CHST9: variants seen among roughly 807,000 people sequenced by gnomAD.
CHST9 encodes the protein GalNAc-4-sulfotransferase 2.
Under a neutral mutation model 44.4 loss-of-function variants are expected in CHST9, and 41 were observed. The ratio of observed to expected loss-of-function variants is 0.92; its 90% CI spans 0.72 to 1.20. The LOEUF is 1.20. CHST9 is among the 50% of genes most tolerant of loss of function. The probability of loss-of-function intolerance (pLI) is 0.00; values close to 1 mark genes in which losing one functional copy is unlikely to be tolerated. For missense variants in CHST9, 504 were observed against 516.5 expected (o/e 0.98, Z 0.23); for synonymous variants, 171 against 178.4 (o/e 0.96, Z 0.33).
chr18:26,979,717 A>T (rs556014309), intron 4 of CHST9, among the ~76,000 whole-genome samples: 1 of 152,304 alleles, frequency 6.6e-6, no homozygotes, highest in African/African-American at 2.4e-5. Flanking sequence ...CAGAGATCAG[A>T]TCAGTGCTTG....
chr18:27,166,394 A>G (rs1347021177), intron 1 of CHST9, among the ~76,000 whole-genome samples: 1 of 152,164 alleles, frequency 6.6e-6, no homozygotes, highest in Non-Finnish European at 1.5e-5. Flanking sequence ...AACTATTTAA[A>G]TTCTTAAGAA....
At chr18:27,125,919 T>C (rs1245870057) in intron 2 of CHST9, among the ~76,000 whole-genome samples, 2 of 152,138 alleles carry the variant, frequency 1.3e-5, no homozygotes, top group African/African-American at 2.4e-5. Flanking sequence ...AAGGGTAACA[T>C]GGAGAAAATA....
chr18:27,121,566 T>A (rs1426872), intron 2 of CHST9, among the ~76,000 whole-genome samples: 1 of 151,970 alleles, frequency 6.6e-6, no homozygotes, highest in Non-Finnish European at 1.5e-5. Context: ...GGTAAATAAT[T>A]GGGGAAACAG....
intron 3 of CHST9, among the ~76,000 whole-genome samples, chr18:27,047,551 G>A (rs2057518274): frequency 6.6e-6 from 1 of 152,010 alleles, no homozygotes; most frequent in African/African-American, 2.4e-5. Context: ...AGAGACAGAA[G>A]CTTATGCTGT....
chr18:27,021,942 C>T (rs942420175), intron 4 of CHST9, among the ~76,000 whole-genome samples: 5 of 151,924 alleles, frequency 3.3e-5, no homozygotes, highest in African/African-American at 1.2e-4. Flanking sequence ...ACTTTAGCCT[C>T]CTGAGTAGCT....
At position 26,906,785 on chromosome 18, in the gene CHST9, C is replaced by T. The variant is rs1214200463; in HGVS notation, c.*9474G>A. ...TGAGCCAGGCAGAGATGACAAATGC[C>T]TCCCTGAGCTTAGTTTAGGGATTAG... On this transcript the variant is annotated 3_prime_UTR_variant, in exon 6 of 6. Coordinates refer to ENST00000618847, the MANE Select transcript of CHST9 (RefSeq NM_031422.6). 1 of 152,168 alleles carries T rather than the reference C, an allele frequency of 6.6e-6. No homozygotes were observed. The highest frequency in any genetic ancestry group is 1.5e-5 in the Non-Finnish European group (1 of 68,060). 9.4% of individuals were successfully genotyped at this position (152,168 alleles called of 1,614,324 possible).
At chr18:27,057,560 T>C (rs1431461502) in intron 2 of CHST9, among the ~76,000 whole-genome samples, 2 of 152,242 alleles carry the variant, frequency 1.3e-5, no homozygotes, top group Non-Finnish European at 2.9e-5. Context: ...ATTTGCTTAG[T>C]TGATATGTTG....
At chr18:26,924,063 G>T (rs756480890) in intron 5 of CHST9, among the ~76,000 whole-genome samples, 1 of 152,158 alleles carries the variant, frequency 6.6e-6, no homozygotes, top group Non-Finnish European at 1.5e-5. Flanking sequence ...CCATATATAT[G>T]ATGGGGATTT....
At chr18:27,071,611 A>G (rs1431272229) in intron 2 of CHST9, among the ~76,000 whole-genome samples, 1 of 152,226 alleles carries the variant, frequency 6.6e-6, no homozygotes, top group Non-Finnish European at 1.5e-5. Context: ...AGTGGTAAAT[A>G]TTAGACTTTT....
intron 4 of CHST9, among the ~76,000 whole-genome samples, chr18:27,000,951 T>C (rs1332597268): frequency 6.6e-6 from 1 of 152,092 alleles, no homozygotes; most frequent in Non-Finnish European, 1.5e-5. Context: ...CAAACGGAAG[T>C]TCTAATCATT....
chr18:26,945,556 T>G (rs910787597), intron 4 of CHST9, among the ~76,000 whole-genome samples: 1 of 152,222 alleles, frequency 6.6e-6, no homozygotes, highest in Non-Finnish European at 1.5e-5. Flanking sequence ...CTCGGCATAC[T>G]TCTCTGGAGA....
chr18:27,000,144 C>A (rs932702109), intron 4 of CHST9, among the ~76,000 whole-genome samples: 9 of 152,194 alleles, frequency 5.9e-5, no homozygotes, highest in Non-Finnish European at 1.2e-4. Flanking sequence ...TTACCCCATC[C>A]CTGGTAGGAT....
chr18:27,020,793 G>A (rs562789722), intron 4 of CHST9, among the ~76,000 whole-genome samples: 8 of 152,126 alleles, frequency 5.3e-5, no homozygotes, highest in Admixed American at 3.3e-4. Context: ...AATCTCTCTC[G>A]GAGGTAAGTT....
intron 2 of CHST9, among the ~76,000 whole-genome samples, chr18:27,088,006 T>G (rs1384976341): frequency 6.6e-6 from 1 of 152,220 alleles, no homozygotes; most frequent in Non-Finnish European, 1.5e-5. Context: ...CAAACGCTCC[T>G]TTTCAAAGAC....
chr18:26,948,400 A>AT (rs2056196307), intron 4 of CHST9, among the ~76,000 whole-genome samples: 1 of 152,180 alleles, frequency 6.6e-6, no homozygotes, highest in African/African-American at 2.4e-5. Context: ...TTAAAAAAAA[A>AT]ATATCATACA....
At chr18:27,040,083 G>A (rs898411816) in intron 3 of CHST9, among the ~76,000 whole-genome samples, 1 of 152,122 alleles carries the variant, frequency 6.6e-6, no homozygotes, top group Non-Finnish European at 1.5e-5. Flanking sequence ...AGTGTGAAAT[G>A]TATTAGAGAT....
chr18:27,004,130 G>A (rs572831539), intron 4 of CHST9, among the ~76,000 whole-genome samples: 4 of 151,890 alleles, frequency 2.6e-5, no homozygotes, highest in Non-Finnish European at 5.9e-5. Context: ...GAACAGTAAA[G>A]TGGAAGAACA....
At chr18:26,969,147 C>A (rs140126649) in intron 4 of CHST9, among the ~76,000 whole-genome samples, 1 of 151,948 alleles carries the variant, frequency 6.6e-6, no homozygotes. Context: ...TACAGGCGCC[C>A]GCCACCGTGC....
In CHST9 at chr18:26,916,027, AG is replaced by A; in HGVS notation, c.*231del. On this transcript the variant is annotated 3_prime_UTR_variant, in exon 6 of 6. Transcript: ENST00000618847. ...TCAACAATATAATTCATAATGCAAA[AG>A]CAGCTCTTTTCCAAACATTTTAGAG... 1 of 387,426 alleles carries A rather than the reference AG, an allele frequency of 2.6e-6. No individual in the cohort carries two copies. Among genetic ancestry groups the A allele is most frequent in the Non-Finnish European group, 4.7e-6 (1 of 213,586 alleles). The allele number at this position is 387,426 out of a possible 1,614,324, so 24.0% of individuals were successfully genotyped here. A position where few individuals can be genotyped will look rare whatever the true frequency, so the allele number is the denominator to read the frequency against.
Sources: allele counts gnomAD v4.1 joint callset (sites outside exome capture counted in the v4.1 genomes callset), GRCh38; gene constraint gnomAD v4.1.1; transcripts MANE v1.5; gene names NCBI Gene and HGNC (gene_info 2026-07-23, HGNC 2026-07-21).